The following SOX5 variants were observed in gnomAD, a reference collection of about 807,000 sequenced individuals.
SOX5 encodes the protein SRY-box transcription factor 5.
Under a neutral mutation model 92.0 loss-of-function variants are expected in SOX5, and 9 were observed. The ratio of observed to expected loss-of-function variants is 0.10; its 90% CI spans 0.06 to 0.17. The LOEUF is 0.17. Ranked by LOEUF, SOX5 falls within the 10% of genes least tolerant of loss-of-function variation. The probability of loss-of-function intolerance (pLI) is 1.00; values close to 1 mark genes in which losing one functional copy is unlikely to be tolerated. For missense variants in SOX5, 642 were observed against 944.5 expected, an observed-to-expected ratio of 0.68 and a Z score of 4.20; for synonymous variants, 344 against 336.3, an observed-to-expected ratio of 1.02 and a Z score of -0.25.
Position 23,563,313 on chromosome 12 carries a change from T to A in SOX5, c.1433A>T (p.Asp478Val). The change falls in exon 11 of 15, where the codon GAT becomes GTT. Residue 478 changes from aspartate to valine, a missense_variant. By Grantham distance (152) the Asp-to-Val change is radical. Coordinates refer to ENST00000451604, the MANE Select transcript of SOX5 (RefSeq NM_006940.6). ...EQLRREQQVL[D>V]GKVAVVNSLG... ...ACTATTCACAACAGCCACCTTCCCATCAAGCACCTGTTGTTCCCGTCGGAG... is the reference window on the plus strand; with the variant it reads ...ACTATTCACAACAGCCACCTTCCCAACAAGCACCTGTTGTTCCCGTCGGAG... 6.2e-7 allele frequency: 1 copy of A among 1,614,098 alleles called. No homozygotes were observed. The highest frequency in any genetic ancestry group is 8.5e-7 in the Non-Finnish European group (1 of 1,179,922).
intron 4 of SOX5, among the ~76,000 whole-genome samples, chr12:24,097,497 T>C (rs990847735): frequency 6.6e-6 from 1 of 151,996 alleles, no homozygotes; most frequent in Non-Finnish European, 1.5e-5. Context: ...TTACAGGTTT[T>C]TTTTTTAACT....
rs1382067250 is a variant in SOX5, at chr12:23,824,724, G to C, written c.481+21259C>G. On this transcript the variant is annotated intron_variant, in intron 3 of 14. Transcript: ENST00000451604. ...CCCCAGGAGCTCAGTCCCAGGGAGA[G>C]AGGAGTTTTATATATAAGCCCCTCG... Among the ~76,000 whole-genome samples the C allele has an allele frequency of 4.6e-5, 7 of 152,256 alleles. 1 individual carries two copies. In the East Asian group the frequency reaches 7.7e-4, roughly 17 times the overall value.
intron 1 of SOX5, among the ~76,000 whole-genome samples, chr12:23,926,312 T>A (rs1939907459): frequency 6.6e-6 from 1 of 152,086 alleles, no homozygotes. Flanking sequence ...TTTCTTTTTC[T>A]TTACTGGACG....
chr12:23,634,251 T>C (rs757541792), intron 8 of SOX5, among the ~76,000 whole-genome samples: 6 of 152,102 alleles, frequency 3.9e-5, no homozygotes, highest in Non-Finnish European at 7.4e-5. Flanking sequence ...GGGCGGTACA[T>C]TTGGAAAAGA....
intron 2 of SOX5, among the ~76,000 whole-genome samples, chr12:24,365,907 A>AAGT (rs1458964107): frequency 6.6e-6 from 1 of 152,082 alleles, no homozygotes; most frequent in African/African-American, 2.4e-5. Flanking sequence ...TTTCCACTTT[A>AAGT]GTTAACAAAA....
intron 4 of SOX5, among the ~76,000 whole-genome samples, chr12:24,208,845 C>A (rs1958291764): frequency 6.6e-6 from 1 of 152,178 alleles, no homozygotes; most frequent in Non-Finnish European, 1.5e-5. Context: ...GTTGGAAAGT[C>A]ATTCATGCAG....
rs1168232862 is a variant in SOX5, at chr12:23,642,810, G to GGGACTCCAGAGATATTTAAAT, written c.932-1914_932-1913insATTTAAATATCTCTGGAGTCC. Among the ~76,000 whole-genome samples, 50 of 147,296 alleles carry GGGACTCCAGAGATATTTAAAT rather than the reference G, an allele frequency of 3.4e-4. 2 individuals carry two copies. Among genetic ancestry groups the GGGACTCCAGAGATATTTAAAT allele is most frequent in the South Asian group, 9.0e-4 (4 of 4,422 alleles). Reference sequence around the variant, plus strand: ...TCTGTATAAAAGGTAATTATGGGCCGGGCGCGGTGGCTCACGCCTGTAATC... The same window carrying GGGACTCCAGAGATATTTAAAT: ...TCTGTATAAAAGGTAATTATGGGCCGGGACTCCAGAGATATTTAAATGGCGCGGTGGCTCACGCCTGTAATC... On this transcript the variant is annotated intron_variant, in intron 7 of 14. Coordinates refer to ENST00000451604, the MANE Select transcript of SOX5 (RefSeq NM_006940.6).
intron 11 of SOX5, among the ~76,000 whole-genome samples, chr12:23,555,520 C>T (rs1237838260): frequency 6.6e-6 from 1 of 151,632 alleles, no homozygotes; most frequent in Non-Finnish European, 1.5e-5. Flanking sequence ...CTTAAAAACT[C>T]ACACCATAAT....
intron 6 of SOX5, among the ~76,000 whole-genome samples, chr12:23,712,176 G>A (rs370934744): frequency 4.6e-5 from 7 of 152,138 alleles, no homozygotes; most frequent in South Asian, 2.1e-4. Context: ...AAAACCAGTC[G>A]ATCATGATCA....
At chr12:24,457,689 TAAAC>T (rs984026047) in intron 1 of SOX5, among the ~76,000 whole-genome samples, 1 of 152,138 alleles carries the variant, frequency 6.6e-6, no homozygotes, top group Non-Finnish European at 1.5e-5. Flanking sequence ...TTTAAATAAA[TAAAC>T]AAAAATGGAA....
chr12:24,284,727 T>G (rs1945645507), intron 2 of SOX5, among the ~76,000 whole-genome samples: 1 of 152,192 alleles, frequency 6.6e-6, no homozygotes, highest in Non-Finnish European at 1.5e-5. Flanking sequence ...GTCTCTCCAG[T>G]ATAAAGGTGG....
chr12:24,369,440 C>A (rs759852936), intron 1 of SOX5, among the ~76,000 whole-genome samples: 14 of 152,154 alleles, frequency 9.2e-5, no homozygotes, highest in Non-Finnish European at 1.8e-4. Flanking sequence ...TCAAGTCCCA[C>A]TAAAAACTCT....
chr12:24,009,532 A>G (rs865838814), intron 4 of SOX5, among the ~76,000 whole-genome samples: 1 of 152,186 alleles, frequency 6.6e-6, no homozygotes, highest in African/African-American at 2.4e-5. Context: ...AATTTAGAGC[A>G]GAATCTTATG....
chr12:23,698,789 ATCCTT>A (rs1203212004), intron 6 of SOX5, among the ~76,000 whole-genome samples: 1 of 152,136 alleles, frequency 6.6e-6, no homozygotes, highest in African/African-American at 2.4e-5. Context: ...AAACAATTTC[ATCCTT>A]TCAAGTCTTA....
chr12:24,473,627 C>T (rs537085721), intron 1 of SOX5, among the ~76,000 whole-genome samples: 1 of 152,314 alleles, frequency 6.6e-6, no homozygotes, highest in East Asian at 1.9e-4. Context: ...ACAACCAAAA[C>T]ATATAGTTCA....
At chr12:24,483,095 G>T (rs893024468) in intron 1 of SOX5, among the ~76,000 whole-genome samples, 1 of 152,142 alleles carries the variant, frequency 6.6e-6, no homozygotes, top group Non-Finnish European at 1.5e-5. Flanking sequence ...CTTGTGAAAT[G>T]ACACTTATTT....
At chr12:23,736,201 C>T (rs2093586842) in intron 5 of SOX5, among the ~76,000 whole-genome samples, 1 of 151,842 alleles carries the variant, frequency 6.6e-6, no homozygotes, top group Admixed American at 6.6e-5. Flanking sequence ...GTGGCTCACG[C>T]CTGTAATCTC....
chr12:23,658,727 C>T (rs2082641107), intron 7 of SOX5, among the ~76,000 whole-genome samples: 1 of 151,994 alleles, frequency 6.6e-6, no homozygotes, highest in Non-Finnish European at 1.5e-5. Flanking sequence ...CCCATGTCTG[C>T]TAAAAATACA....
intron 11 of SOX5, 121 bp downstream of exon 11, chr12:23,563,137 G>A: frequency 1.3e-6 from 1 of 789,324 alleles, no homozygotes; most frequent in Non-Finnish European, 2.0e-6. Flanking sequence ...ATTAATGGAG[G>A]GAGAAAAGGG....
Sources: gnomAD v4.1 joint callset for allele counts (sites outside exome capture counted in the v4.1 genomes callset) on GRCh38, gnomAD v4.1.1 for gene constraint, MANE v1.5 for transcripts, NCBI Gene and HGNC (gene_info 2026-07-23, HGNC 2026-07-21) for gene names.